The following DHDDS variants were observed in gnomAD, a reference collection of about 807,000 sequenced individuals.
DHDDS encodes the protein dehydrodolichyl diphosphate synthase subunit.
A neutral mutation model predicts 46.2 loss-of-function variants in DHDDS; 16 were observed. That is an observed-to-expected ratio of 0.35 (90% CI 0.23 to 0.53). The LOEUF is 0.53. Ranked by LOEUF, DHDDS falls within the 20% of genes least tolerant of loss-of-function variation. DHDDS has a pLI of 0.94. For missense variants in DHDDS, 340 were observed against 423.7 expected (o/e 0.80, Z 1.73); for synonymous variants, 151 against 163.1 (o/e 0.93, Z 0.56).
intron 6 of DHDDS, chr1:26,454,571 G>C (rs1421558500): frequency 1.4e-6 from 1 of 710,434 alleles, no homozygotes; most frequent in African/African-American, 1.8e-5. Flanking sequence ...CTATAAGGTG[G>C]ATAGGACAAA....
At chr1:26,442,918 A>G in intron 4 of DHDDS, 45 bp downstream of exon 4, 2 of 1,613,100 alleles carry the variant, frequency 1.2e-6, no homozygotes, top group South Asian at 1.1e-5. Context: ...CACCACCCCC[A>G]GCCTTATCCT....
At chr1:26,434,068 A>G (rs1428312126) in intron 2 of DHDDS, among the ~76,000 whole-genome samples, 4 of 152,222 alleles carry the variant, frequency 2.6e-5, no homozygotes, top group Non-Finnish European at 5.9e-5. Flanking sequence ...TAATCATGTG[A>G]CTTTAACAAC....
chr1:26,458,365 G>A (rs993025554), intron 7 of DHDDS, among the ~76,000 whole-genome samples: 1 of 152,352 alleles, frequency 6.6e-6, no homozygotes, highest in East Asian at 1.9e-4. Context: ...ACTAGGGGAA[G>A]TCCTTGTTCT....
chr1:26,466,450 T>C (rs1002925683), intron 8 of DHDDS: 1 of 152,224 alleles, frequency 6.6e-6, no homozygotes, highest in Non-Finnish European at 1.5e-5. Context: ...CACTTCACAT[T>C]GTCCTCTCAA....
At chr1:26,461,748 A>C (rs1421064796) in intron 8 of DHDDS, among the ~76,000 whole-genome samples, 1 of 152,244 alleles carries the variant, frequency 6.6e-6, no homozygotes, top group East Asian at 1.9e-4. Context: ...TCCCAAGTCC[A>C]TAACTCCTGC....
intron 4 of DHDDS, 34 bp from the exon 5 acceptor site, chr1:26,446,281 GC>G (rs747783632): frequency 6.2e-7 from 1 of 1,602,332 alleles, no homozygotes. Flanking sequence ...CTCAGCAGGG[GC>G]CCTATCCCAA....
At chr1:26,454,232 C>T (rs1003942704) in intron 6 of DHDDS, among the ~76,000 whole-genome samples, 1 of 152,088 alleles carries the variant, frequency 6.6e-6, no homozygotes, top group African/African-American at 2.4e-5. Flanking sequence ...GGATTACAGG[C>T]GTGAGCCACC....
At chr1:26,462,263 C>G (rs909449220) in intron 8 of DHDDS, among the ~76,000 whole-genome samples, 2 of 151,900 alleles carry the variant, frequency 1.3e-5, no homozygotes, top group African/African-American at 2.4e-5. Context: ...TCAAGTGATC[C>G]TCCTGCTTCG....
At chr1:26,460,895 T>C in intron 8 of DHDDS, among the ~76,000 whole-genome samples, 1 of 152,154 alleles carries the variant, frequency 6.6e-6, no homozygotes, top group East Asian at 1.9e-4. Flanking sequence ...TATTTTGAGA[T>C]GGGGTTTTGC....
intron 2 of DHDDS, among the ~76,000 whole-genome samples, chr1:26,437,229 G>A (rs1013420388): frequency 1.3e-5 from 2 of 152,046 alleles, no homozygotes; most frequent in East Asian, 1.9e-4. Flanking sequence ...CTCTGAGCTT[G>A]TTTTTCCACC....
chr1:26,435,696 C>CCT (rs2075148055), intron 2 of DHDDS, among the ~76,000 whole-genome samples: 1 of 151,850 alleles, frequency 6.6e-6, no homozygotes. Context: ...CTCACTGCAA[C>CCT]CTCTGCCTCC....
At chr1:26,445,763 C>A (rs1490770313) in intron 4 of DHDDS, among the ~76,000 whole-genome samples, 1 of 151,094 alleles carries the variant, frequency 6.6e-6, no homozygotes, top group African/African-American at 2.4e-5. Flanking sequence ...GTGGCTCATG[C>A]CTGTAATCTC....
intron 6 of DHDDS, among the ~76,000 whole-genome samples, chr1:26,457,427 G>C (rs1279476201): frequency 6.6e-6 from 1 of 151,676 alleles, no homozygotes. Flanking sequence ...CCGAGATCGT[G>C]CCACTGCACT....
chr1:26,439,861 C>G (rs532799450), intron 3 of DHDDS, among the ~76,000 whole-genome samples: 3 of 152,332 alleles, frequency 2.0e-5, no homozygotes. Flanking sequence ...GAATGGAGGG[C>G]CGGGCGCGGT....
At chr1:26,442,282 A>G (rs561263489) in intron 3 of DHDDS, among the ~76,000 whole-genome samples, 90 of 152,324 alleles carry the variant, frequency 5.9e-4, no homozygotes, top group Non-Finnish European at 1.1e-3. Context: ...CTACCAGAAT[A>G]ATGAAGTTAT....
rs981664991 is a variant in DHDDS at position 26,468,899 on chromosome 1, C to G, written c.770C>G (p.Ala257Gly). 1 of 1,612,674 alleles carries G rather than the reference C, an allele frequency of 6.2e-7. No homozygotes were observed. Among genetic ancestry groups the G allele is most frequent in the Non-Finnish European group, 8.5e-7 (1 of 1,179,466 alleles). Residue 257 changes from alanine (A) to glycine (G), a missense_variant, in exon 9 of 9, where the codon GCC becomes GGC. Ala to Gly is a moderately conservative substitution (Grantham distance 60). This residue lies in a region of DHDDS where 268 missense variants were observed against 300.3 expected (regional missense o/e 0.89). Coordinates refer to ENST00000236342, the MANE Select transcript of DHDDS (RefSeq NM_205861.3). ...ATCCCCACTTTTCTCTAGCAGAAGGCCCGAGACATGTATGCAGAGGAGCGG... is the reference window on the plus strand; with the variant it reads ...ATCCCCACTTTTCTCTAGCAGAAGGGCCGAGACATGTATGCAGAGGAGCGG... ...FQMNHSVLQK[A>G]RDMYAEERKR... is the part of the protein sequence containing the mutation.
At chr1:26,457,298 A>C (rs903254511) in intron 6 of DHDDS, among the ~76,000 whole-genome samples, 1 of 150,302 alleles carries the variant, frequency 6.7e-6, no homozygotes, top group Non-Finnish European at 1.5e-5. Flanking sequence ...GTCTCTACTA[A>C]AAATACAAAA....
At chr1:26,447,242 C>T (rs2075277386) in intron 5 of DHDDS, among the ~76,000 whole-genome samples, 2 of 152,122 alleles carry the variant, frequency 1.3e-5, no homozygotes, top group South Asian at 4.1e-4. Flanking sequence ...ATCGCTTGAA[C>T]CCAGGAGGCA....
intron 8 of DHDDS, 36 bp downstream of exon 8, chr1:26,460,180 G>T (rs749404066): frequency 7.9e-6 from 12 of 1,510,536 alleles, no homozygotes; most frequent in Admixed American, 1.7e-5. Flanking sequence ...GATGGGATGG[G>T]ATGGAAGAAA....
Sources: allele counts gnomAD v4.1 joint callset (sites outside exome capture counted in the v4.1 genomes callset), GRCh38; gene constraint gnomAD v4.1.1; regional missense constraint gnomAD v4.1.1; transcripts MANE v1.5; gene names NCBI Gene and HGNC (gene_info 2026-07-23, HGNC 2026-07-21).